The following SLC44A5 variants were observed in gnomAD, a reference collection of about 807,000 sequenced individuals.
SLC44A5 encodes choline transporter-like protein 5.
A neutral mutation model predicts 101.8 loss-of-function variants in SLC44A5; 57 were observed. That is an observed-to-expected ratio of 0.56 (90% CI 0.45 to 0.70). SLC44A5 has a LOEUF of 0.70. SLC44A5 is among the 30% of genes least tolerant of loss of function. The pLI is 0.00. For synonymous variants in SLC44A5, 281 were observed against 290.9 expected, an observed-to-expected ratio of 0.97 and a Z score of 0.35; for missense variants, 737 against 853.1, an observed-to-expected ratio of 0.86 and a Z score of 1.70.
the SLC44A5 span, among the ~76,000 whole-genome samples, chr1:75,682,030 A>C: frequency 6.6e-6 from 1 of 152,338 alleles, no homozygotes; most frequent in East Asian, 1.9e-4. Flanking sequence ...TAAAATACCT[A>C]GGAATCCAAC....
intron 3 of SLC44A5, among the ~76,000 whole-genome samples, chr1:75,362,438 C>G (rs1659557423): frequency 6.6e-6 from 1 of 151,722 alleles, no homozygotes; most frequent in South Asian, 2.1e-4. Flanking sequence ...ATGAATTTCC[C>G]TTTTAGAACT....
intron 2 of SLC44A5, among the ~76,000 whole-genome samples, chr1:75,489,249 C>T (rs1668311896): frequency 6.6e-6 from 1 of 151,044 alleles, no homozygotes; most frequent in Non-Finnish European, 1.5e-5. Flanking sequence ...TTAAAAAAAA[C>T]ATAAATTCAT....
intron 2 of SLC44A5, among the ~76,000 whole-genome samples, chr1:75,458,297 G>GAAGA (rs1483357804): frequency 3.3e-5 from 5 of 152,206 alleles, no homozygotes; most frequent in African/African-American, 1.2e-4. Context: ...CATAAAGCAT[G>GAAGA]AAGAAATGGT....
the SLC44A5 span, among the ~76,000 whole-genome samples, chr1:75,635,775 TGTGCACATGTACCCTAAA>T: frequency 6.6e-6 from 1 of 150,946 alleles, no homozygotes; most frequent in Non-Finnish European, 1.5e-5. Context: ...ACCTGCACAT[TGTGCACATGTACCCTAAA>T]ACTTAAAGTA....
intron 5 of SLC44A5, among the ~76,000 whole-genome samples, chr1:75,283,377 T>C (rs1652778371): frequency 6.6e-6 from 1 of 152,138 alleles, no homozygotes; most frequent in Non-Finnish European, 1.5e-5. Context: ...TTGTTTGAGT[T>C]TTTTGTGGAT....
At chr1:75,632,201 A>G in the SLC44A5 span, among the ~76,000 whole-genome samples, 1 of 152,074 alleles carries the variant, frequency 6.6e-6, no homozygotes, top group South Asian at 2.1e-4. Context: ...TGCTTATGTC[A>G]TCATGTAAAT....
At chr1:75,476,977 T>C (rs1361355339) in intron 2 of SLC44A5, among the ~76,000 whole-genome samples, 4 of 152,190 alleles carry the variant, frequency 2.6e-5, no homozygotes, top group Non-Finnish European at 4.4e-5. Flanking sequence ...CCCTGACCCC[T>C]GAGCAGCCTA....
intron 5 of SLC44A5, among the ~76,000 whole-genome samples, chr1:75,295,630 C>T (rs1036711353): frequency 3.9e-5 from 6 of 152,122 alleles, no homozygotes; most frequent in Non-Finnish European, 8.8e-5. Context: ...CCATTCTGAC[C>T]CTTGTCATGC....
At chr1:75,572,870 A>T (rs1673147384) in intron 1 of SLC44A5, among the ~76,000 whole-genome samples, 1 of 151,950 alleles carries the variant, frequency 6.6e-6, no homozygotes, top group African/African-American at 2.4e-5. Context: ...CCCATGTAAT[A>T]CCAGCACTTT....
intron 2 of SLC44A5, among the ~76,000 whole-genome samples, chr1:75,500,113 TA>T (rs1668876548): frequency 6.6e-6 from 1 of 152,182 alleles, no homozygotes; most frequent in Admixed American, 6.5e-5. Flanking sequence ...CTACCATCCC[TA>T]ACACACAAGT....
intron 7 of SLC44A5, among the ~76,000 whole-genome samples, chr1:75,243,693 G>A (rs1458244974): frequency 6.6e-6 from 1 of 151,972 alleles, no homozygotes; most frequent in African/African-American, 2.4e-5. Flanking sequence ...TCATAAGCAG[G>A]AAATTAATAT....
chr1:75,494,819 G>C (rs769887370), intron 2 of SLC44A5, among the ~76,000 whole-genome samples: 12 of 152,160 alleles, frequency 7.9e-5, no homozygotes, highest in Admixed American at 2.6e-4. Flanking sequence ...ATAAACCCCA[G>C]CTTCCAGCTT....
intron 2 of SLC44A5, among the ~76,000 whole-genome samples, chr1:75,426,013 T>C (rs767941309): frequency 1.5e-4 from 23 of 151,800 alleles, no homozygotes; most frequent in Non-Finnish European, 2.9e-4. Flanking sequence ...GAATGATGCC[T>C]GAGGGTTCAA....
chr1:75,623,321 T>C, the SLC44A5 span, among the ~76,000 whole-genome samples: 4 of 151,914 alleles, frequency 2.6e-5, no homozygotes, highest in Non-Finnish European at 5.9e-5. Flanking sequence ...AAAAGAGAAA[T>C]GAATGACAGA....
At chr1:75,333,169 A>G (rs1050008668) in intron 4 of SLC44A5, among the ~76,000 whole-genome samples, 1 of 152,228 alleles carries the variant, frequency 6.6e-6, no homozygotes, top group Non-Finnish European at 1.5e-5. Context: ...CTATGTCCAT[A>G]GCACTTCCTT....
chr1:75,235,223 T>C (rs1223863088), intron 11 of SLC44A5, among the ~76,000 whole-genome samples: 1 of 152,000 alleles, frequency 6.6e-6, no homozygotes, highest in African/African-American at 2.4e-5. Context: ...AAGGGAAGTA[T>C]TCAGAAATGT....
intron 6 of SLC44A5, among the ~76,000 whole-genome samples, chr1:75,267,703 A>C (rs972582592): frequency 2.0e-5 from 3 of 151,966 alleles, no homozygotes; most frequent in African/African-American, 7.2e-5. Context: ...GCACTCCATC[A>C]TGCTCAGCTA....
At chr1:75,399,660 A>T (rs1454997080) in intron 2 of SLC44A5, among the ~76,000 whole-genome samples, 1 of 152,248 alleles carries the variant, frequency 6.6e-6, no homozygotes, top group African/African-American at 2.4e-5. Context: ...CTTAACAGAA[A>T]AAAAGCAGGT....
intron 5 of SLC44A5, among the ~76,000 whole-genome samples, chr1:75,282,512 G>C (rs1652686809): frequency 6.6e-6 from 1 of 152,084 alleles, no homozygotes; most frequent in Non-Finnish European, 1.5e-5. Context: ...AAGCATGTGA[G>C]ATTTGGAAGG....
Sources: allele counts gnomAD v4.1 joint callset (sites outside exome capture counted in the v4.1 genomes callset), GRCh38; gene constraint gnomAD v4.1.1; transcripts MANE v1.5; gene names NCBI Gene and HGNC (gene_info 2026-07-23, HGNC 2026-07-21).